The following TMEM132D variants were observed in gnomAD, a reference collection of about 807,000 sequenced individuals.
TMEM132D encodes the protein mature OL transmembrane protein.
In TMEM132D, 21 loss-of-function variants were observed where a neutral mutation model predicts 62.3. That is an observed-to-expected ratio of 0.34 (90% CI 0.24 to 0.49). The LOEUF is 0.49. TMEM132D is among the 20% of genes least tolerant of loss of function. The pLI, the probability that TMEM132D is intolerant of heterozygous loss-of-function variation, is 0.99. For synonymous variants in TMEM132D, 621 were observed against 575.6 expected (o/e 1.08, Z -1.13); for missense variants, 1,346 against 1,402.8 (o/e 0.96, Z 0.65).
At chr12:129,174,478 T>C (rs571349126) in intron 5 of TMEM132D, among the ~76,000 whole-genome samples, 41 of 152,350 alleles carry the variant, frequency 2.7e-4, no homozygotes, top group Non-Finnish European at 4.7e-4. Flanking sequence ...CAGTCTATCA[T>C]TGATGGACAT....
chr12:129,482,982 TGTGTGTGTGG>T (rs1874475710), intron 3 of TMEM132D, among the ~76,000 whole-genome samples: 2 of 133,776 alleles, frequency 1.5e-5, no homozygotes, highest in African/African-American at 6.0e-5. Flanking sequence ...TGTGTGTGTG[TGTGTGTGTGG>T]AAGAGGATGC....
At chr12:129,511,590 G>C (rs1021657313) in intron 3 of TMEM132D, among the ~76,000 whole-genome samples, 1 of 152,174 alleles carries the variant, frequency 6.6e-6, no homozygotes, top group Non-Finnish European at 1.5e-5. Context: ...ACAGCCAAAG[G>C]TGCTGGGAGT....
intron 3 of TMEM132D, among the ~76,000 whole-genome samples, chr12:129,416,367 A>G (rs1199890965): frequency 6.6e-6 from 1 of 152,060 alleles, no homozygotes; most frequent in Non-Finnish European, 1.5e-5. Flanking sequence ...TATTATTGGT[A>G]TATAGGAATG....
Position 129,717,998 on chromosome 12 carries a change from G to A in TMEM132D, c.80-17300C>T, listed in dbSNP as rs80044781. ...TTATTTCTAATCAACACGAAGGTGC[G>A]TTGTGTGTTAGCTGCAGAGATTTCC... On this transcript the variant is annotated intron_variant, in intron 1 of 8. Transcript: ENST00000422113. 4.1e-3 allele frequency among the ~76,000 whole-genome samples: 626 copies of A among 152,320 alleles called. 3 individuals are homozygous for A. The highest frequency in any genetic ancestry group is 0.027 in the East Asian group (141 of 5,186).
Position 129,903,119 on chromosome 12 carries a change from G to A in TMEM132D, c.79+142C>T. The A allele has an allele frequency of 2.2e-6, 2 of 896,682 alleles. No homozygotes were observed. The highest frequency in any genetic ancestry group is 3.4e-6 in the Non-Finnish European group (2 of 585,666). 55.5% of individuals were successfully genotyped at this position (896,682 alleles called of 1,614,324 possible). A position where few individuals can be genotyped will look rare whatever the true frequency, so the allele number is the denominator to read the frequency against. On this transcript the variant is annotated intron_variant, in intron 1 of 8. Coordinates refer to ENST00000422113, the MANE Select transcript of TMEM132D (RefSeq NM_133448.3). The surrounding 1 kb of genome is among the most constrained non-coding windows in gnomAD (Gnocchi z 6.2). The stretch of plus-strand genomic sequence containing the variant: ...GCCGCACGAGCGCACGTTCACACGC[G>A]CGCACACACACATGCACACAAGCGC...
intron 1 of TMEM132D, among the ~76,000 whole-genome samples, chr12:129,755,870 G>A (rs1003689933): frequency 6.6e-6 from 1 of 152,096 alleles, no homozygotes; most frequent in Admixed American, 6.5e-5. Flanking sequence ...CTCACATTCT[G>A]GTCATGCCCA....
At chr12:129,481,938 C>T (rs1260246016) in intron 3 of TMEM132D, among the ~76,000 whole-genome samples, 1 of 152,204 alleles carries the variant, frequency 6.6e-6, no homozygotes, top group African/African-American at 2.4e-5. Flanking sequence ...GCGTTGGCCG[C>T]TGGAAGTTTA....
At chr12:129,168,568 C>T (rs1468731477) in intron 5 of TMEM132D, among the ~76,000 whole-genome samples, 1 of 152,176 alleles carries the variant, frequency 6.6e-6, no homozygotes, top group Non-Finnish European at 1.5e-5. Context: ...ATGACGTCCT[C>T]AAGGTCCACC....
At chr12:129,738,293 G>C (rs1485934426) in intron 1 of TMEM132D, among the ~76,000 whole-genome samples, 1 of 151,834 alleles carries the variant, frequency 6.6e-6, no homozygotes, top group Non-Finnish European at 1.5e-5. Flanking sequence ...CAAATACATA[G>C]AGTGGACTCT....
In TMEM132D at chr12:129,311,090, C is replaced by T. The variant is rs1023663433; in HGVS notation, c.1299+26544G>A. On this transcript the variant is annotated intron_variant, in intron 4 of 8. Coordinates refer to ENST00000422113, the MANE Select transcript of TMEM132D (RefSeq NM_133448.3). Reference sequence around the variant, plus strand: ...GCGGGCGCCTGTAGTCCCAGCTACTCGGGAGGCTGAGGCAGGAGAATGGCG... The same window carrying T: ...GCGGGCGCCTGTAGTCCCAGCTACTTGGGAGGCTGAGGCAGGAGAATGGCG... Among the ~76,000 whole-genome samples, 6 of 130,330 alleles carry T rather than the reference C, an allele frequency of 4.6e-5. 2 individuals are homozygous for T. The highest frequency in any genetic ancestry group is 1.3e-4 in the African/African-American group (4 of 31,206). 85.5% of individuals were successfully genotyped at this position (130,330 alleles called of 152,430 possible).
chr12:129,540,062 CTTTTA>C (rs1047567725), intron 2 of TMEM132D, among the ~76,000 whole-genome samples: 1 of 49,100 alleles, frequency 2.0e-5, no homozygotes, highest in African/African-American at 9.5e-5. Flanking sequence ...AGTCTGTGGG[CTTTTA>C]TTTTTTTTTT....
At chr12:129,870,583 C>A (rs1421839832) in intron 1 of TMEM132D, among the ~76,000 whole-genome samples, 2 of 152,176 alleles carry the variant, frequency 1.3e-5, no homozygotes, top group East Asian at 1.9e-4. Context: ...ACCCCAGAAA[C>A]TGCCCTAGCT....
At chr12:129,400,745 G>A (rs1298026659) in intron 3 of TMEM132D, among the ~76,000 whole-genome samples, 1 of 152,044 alleles carries the variant, frequency 6.6e-6, no homozygotes, top group African/African-American at 2.4e-5. Context: ...AAAAATTCTT[G>A]GGGAAAATAT....
chr12:129,241,967 T>G (rs193213736), intron 4 of TMEM132D, among the ~76,000 whole-genome samples: 3 of 152,328 alleles, frequency 2.0e-5, no homozygotes, highest in African/African-American at 7.2e-5. Context: ...ACCCTGTAAT[T>G]GCACTATTCT....
intron 2 of TMEM132D, among the ~76,000 whole-genome samples, chr12:129,548,704 C>G (rs1370759324): frequency 2.0e-5 from 1 of 48,980 alleles, no homozygotes; most frequent in East Asian, 1.5e-3. Flanking sequence ...GTGACCTCAC[C>G]TAACATCAAG....
chr12:129,673,774 C>T (rs1437041548), intron 2 of TMEM132D, among the ~76,000 whole-genome samples: 3 of 152,184 alleles, frequency 2.0e-5, no homozygotes, highest in Non-Finnish European at 4.4e-5. Flanking sequence ...CAATTTCCAA[C>T]CTTTGCTCCT....
At chr12:129,873,735 C>T (rs972625992) in intron 1 of TMEM132D, among the ~76,000 whole-genome samples, 14 of 38,528 alleles carry the variant, frequency 3.6e-4, no homozygotes, top group African/African-American at 5.7e-4. Context: ...CAAAACTATG[C>T]CCTTTGTTTT....
intron 5 of TMEM132D, among the ~76,000 whole-genome samples, chr12:129,174,835 T>C (rs1877857087): frequency 6.6e-6 from 1 of 152,270 alleles, no homozygotes; most frequent in South Asian, 2.1e-4. Context: ...TCAGTGATGT[T>C]GAGCCTTTTT....
At chr12:129,573,741 G>A (rs1877582313) in intron 2 of TMEM132D, among the ~76,000 whole-genome samples, 1 of 152,028 alleles carries the variant, frequency 6.6e-6, no homozygotes, top group Non-Finnish European at 1.5e-5. Flanking sequence ...GCAAGGGCAG[G>A]CACTGAATAG....
Sources: gnomAD v4.1 joint callset for allele counts (sites outside exome capture counted in the v4.1 genomes callset) on GRCh38, gnomAD v4.1.1 for gene constraint, Gnocchi (gnomAD v3.1) non-coding constraint, MANE v1.5 for transcripts, NCBI Gene and HGNC (gene_info 2026-07-23, HGNC 2026-07-21) for gene names.